The following KATNBL1 variants were observed in gnomAD, a reference collection of about 807,000 sequenced individuals.
KATNBL1 encodes KATNB1-like protein 1.
A neutral mutation model predicts 44.7 loss-of-function variants in KATNBL1; 28 were observed. The observed-to-expected ratio is 0.63, with a 90% CI of 0.46 to 0.86. The LOEUF is 0.86. Ranked by LOEUF, KATNBL1 falls within the 40% of genes least tolerant of loss-of-function variation. KATNBL1 has a pLI of 0.00. For synonymous variants in KATNBL1, 78 were observed against 114.9 expected, an observed-to-expected ratio of 0.68 and a Z score of 2.06; for missense variants, 272 against 350.7, an observed-to-expected ratio of 0.78 and a Z score of 1.79.
intron 1 of KATNBL1, among the ~76,000 whole-genome samples, chr15:34,188,147 A>AAAAACAAAAAC: frequency 6.8e-6 from 1 of 146,582 alleles, no homozygotes; most frequent in East Asian, 2.0e-4. Flanking sequence ...TAAAAAAAAA[A>AAAAACAAAAAC]AAAAAAAAAA....
At chr15:34,196,464 T>G (rs1479634133) in intron 1 of KATNBL1, among the ~76,000 whole-genome samples, 1 of 150,728 alleles carries the variant, frequency 6.6e-6, no homozygotes, top group Non-Finnish European at 1.5e-5. Flanking sequence ...CGGTGCCTCA[T>G]GCCTGTCAAT....
At position 34,163,666 on chromosome 15, in the gene KATNBL1, T is replaced by G. The variant is rs201043033; in HGVS notation, c.11A>C (p.Glu4Ala). 3.5e-5 allele frequency: 55 copies of G among 1,576,068 alleles called. No individual in the cohort carries two copies. In the East Asian group the frequency reaches 1.2e-3, roughly 35 times the overall value. MAS[E>A]THNVKKRNFC... is the part of the protein sequence containing the mutation. Reference sequence around the variant, plus strand: ...GTTCCGTTTTTTAACATTGTGGGTTTCTGATGCCATAATCTCTTAAGTACC... The same window carrying G: ...GTTCCGTTTTTTAACATTGTGGGTTGCTGATGCCATAATCTCTTAAGTACC... The change falls in exon 2 of 10, where the codon GAA becomes GCA. Residue 4 changes from glutamate (E) to alanine (A), a missense_variant. Around this residue, in one of 3 missense-constraint regions of KATNBL1, gnomAD observed 122 missense variants for 125.0 expected, o/e 0.98. Coordinates refer to ENST00000256544, the MANE Select transcript of KATNBL1 (RefSeq NM_024713.3).
At position 34,153,084 on chromosome 15, in the gene KATNBL1, T is replaced by C. The variant is rs1343275356; in HGVS notation, c.159-15A>G. The C allele has an allele frequency of 6.4e-6, 10 of 1,559,864 alleles. No homozygotes were observed. Among genetic ancestry groups the C allele is most frequent in the Non-Finnish European group, 8.7e-6 (10 of 1,153,412 alleles). Reference sequence around the variant, plus strand: ...GTCCAACTGTTCTGTAAAAAGAATTTATTTTCTTAAATGAAAAAGAACCAT... The same window carrying C: ...GTCCAACTGTTCTGTAAAAAGAATTCATTTTCTTAAATGAAAAAGAACCAT... On this transcript the variant is annotated splice_polypyrimidine_tract_variant and intron_variant, in intron 3 of 9. Transcript: ENST00000256544.
intron 1 of KATNBL1, among the ~76,000 whole-genome samples, chr15:34,175,581 T>C (rs931362620): frequency 6.6e-6 from 1 of 152,168 alleles, no homozygotes; most frequent in African/African-American, 2.4e-5. Context: ...CATTAGTCAT[T>C]ATAAAATGCA....
chr15:34,163,241 A>G (rs1281146868), intron 2 of KATNBL1, among the ~76,000 whole-genome samples: 2 of 151,822 alleles, frequency 1.3e-5, no homozygotes, highest in African/African-American at 4.8e-5. Flanking sequence ...ACAGGGTTTC[A>G]CCATGTTGGC....
chr15:34,181,991 T>C (rs1889581539), intron 1 of KATNBL1, among the ~76,000 whole-genome samples: 1 of 150,668 alleles, frequency 6.6e-6, no homozygotes, highest in Admixed American at 6.6e-5. Context: ...ATTTACCATA[T>C]GCCAGGTGTA....
Position 34,142,502 on chromosome 15 carries a change from C to G in KATNBL1, c.883-131G>C, listed in dbSNP as rs1345922612. ...GACCTTTTGAGGGTAAAAGACGTGC[C>G]TTGTTCAGTGCTTTTATCTGCATTT... On this transcript the variant is annotated intron_variant, in intron 9 of 9. Coordinates refer to ENST00000256544, the MANE Select transcript of KATNBL1 (RefSeq NM_024713.3). 3.2e-6 allele frequency: 3 copies of G among 935,234 alleles called. No homozygotes were observed. In the East Asian group the frequency reaches 8.5e-5, roughly 27 times the overall value. The allele number at this position is 935,234 out of a possible 1,614,324, so 57.9% of individuals were successfully genotyped here. A position where few individuals can be genotyped will look rare whatever the true frequency, so the allele number is the denominator to read the frequency against.
chr15:34,150,115 A>G (rs546153443), intron 4 of KATNBL1, among the ~76,000 whole-genome samples: 2 of 152,370 alleles, frequency 1.3e-5, no homozygotes, highest in East Asian at 3.8e-4. Flanking sequence ...TTAGGTTTTT[A>G]GAGCAGGTAC....
At chr15:34,165,823 A>T (rs1888953283) in intron 1 of KATNBL1, 1 of 152,120 alleles carries the variant, frequency 6.6e-6, no homozygotes, top group African/African-American at 2.4e-5. Flanking sequence ...ATAAATAAAT[A>T]AATAAAAGTG....
rs557571410 is a variant in KATNBL1 at position 34,186,470 on chromosome 15, G to T, written c.-14-22780C>A. Among the ~76,000 whole-genome samples the T allele has an allele frequency of 2.2e-4, 33 of 152,336 alleles. No individual in the cohort carries two copies. In the South Asian group the frequency reaches 3.7e-3, roughly 17 times the overall value. ...GAACAGGCAGGATCTGCCTTCCAGGGTGCAGCTGCAGCCACCTTACCTATG... is the reference window on the plus strand; with the variant it reads ...GAACAGGCAGGATCTGCCTTCCAGGTTGCAGCTGCAGCCACCTTACCTATG... On this transcript the variant is annotated intron_variant, in intron 1 of 9. Transcript: ENST00000256544.
At chr15:34,201,292 T>A (rs982582423) in intron 1 of KATNBL1, among the ~76,000 whole-genome samples, 6 of 152,166 alleles carry the variant, frequency 3.9e-5, no homozygotes, top group African/African-American at 1.2e-4. Context: ...GAGAAAAAAG[T>A]AAGGTAGCAA....
chr15:34,186,058 T>C (rs890117030), intron 1 of KATNBL1, among the ~76,000 whole-genome samples: 1 of 152,218 alleles, frequency 6.6e-6, no homozygotes, highest in Non-Finnish European at 1.5e-5. Flanking sequence ...TAAACATCAC[T>C]TCTATGGGAC....
chr15:34,203,369 CTA>C (rs35038828), intron 1 of KATNBL1, among the ~76,000 whole-genome samples: 23,427 of 152,126 alleles, frequency 0.15, 1,939 homozygotes, highest in African/African-American at 0.21. Context: ...CTCCTTTAGA[CTA>C]TATAATAGCT....
rs17525806 is a variant in KATNBL1, at chr15:34,210,056, C to A, written c.-120G>T. The A allele has an allele frequency of 3.3e-5, 5 of 151,722 alleles. No homozygotes were observed. Among genetic ancestry groups the A allele is most frequent in the African/African-American group, 7.2e-5 (3 of 41,380 alleles). 9.4% of individuals were successfully genotyped at this position (151,722 alleles called of 1,614,324 possible). A position where few individuals can be genotyped will look rare whatever the true frequency, so the allele number is the denominator to read the frequency against. On this transcript the variant is annotated 5_prime_UTR_variant, in exon 1 of 10. Coordinates refer to ENST00000256544, the MANE Select transcript of KATNBL1 (RefSeq NM_024713.3). Reference sequence around the variant, plus strand: ...CTTCTGGGCCGAGTCCCACTCAGGGCCATTCAAACGCGGCCGCGCGCGCGG... The same window carrying A: ...CTTCTGGGCCGAGTCCCACTCAGGGACATTCAAACGCGGCCGCGCGCGCGG...
At chr15:34,170,830 G>C (rs1889136318) in intron 1 of KATNBL1, among the ~76,000 whole-genome samples, 1 of 152,144 alleles carries the variant, frequency 6.6e-6, no homozygotes, top group African/African-American at 2.4e-5. Context: ...AACAAGCAAT[G>C]GGGAAAGGAT....
Position 34,141,550 on chromosome 15 carries a change from T to C in KATNBL1, c.*789A>G, listed in dbSNP as rs1888149807. 6.6e-6 allele frequency: 1 copy of C among 152,590 alleles called. No individual in the cohort carries two copies. Among genetic ancestry groups the C allele is most frequent in the Non-Finnish European group, 1.5e-5 (1 of 68,002 alleles). 9.5% of individuals were successfully genotyped at this position (152,590 alleles called of 1,614,324 possible). On this transcript the variant is annotated 3_prime_UTR_variant, in exon 10 of 10. Transcript: ENST00000256544. The stretch of plus-strand genomic sequence containing the variant: ...ACATTCATACAAAAACATATTCACC[T>C]TTTTCCTTAGATAGGGATAACACAT...
At chr15:34,155,546 T>C (rs1227784621) in intron 2 of KATNBL1, among the ~76,000 whole-genome samples, 1 of 152,340 alleles carries the variant, frequency 6.6e-6, no homozygotes, top group East Asian at 1.9e-4. Flanking sequence ...CCTGAGTTTT[T>C]TGCTAACTCA....
At chr15:34,183,182 G>C (rs1044783692) in intron 1 of KATNBL1, among the ~76,000 whole-genome samples, 4 of 152,216 alleles carry the variant, frequency 2.6e-5, no homozygotes, top group African/African-American at 9.6e-5. Context: ...ACCAAGGCCA[G>C]CTCTACCGGT....
chr15:34,145,527 A>C, intron 8 of KATNBL1, 36 bp from the exon 9 acceptor site: 1 of 1,386,370 alleles, frequency 7.2e-7, no homozygotes, highest in Non-Finnish European at 9.4e-7. Context: ...TGAGAAAGCA[A>C]ATACATTAAG....
Sources: gnomAD v4.1 joint callset for allele counts (sites outside exome capture counted in the v4.1 genomes callset) on GRCh38, gnomAD v4.1.1 for gene constraint, gnomAD v4.1.1 regional missense constraint, MANE v1.5 for transcripts, NCBI Gene and HGNC (gene_info 2026-07-23, HGNC 2026-07-21) for gene names.